TMEM74: variants seen among roughly 807,000 people sequenced by gnomAD.
TMEM74 encodes the protein transmembrane protein 74.
In TMEM74, 13 loss-of-function variants were observed where a neutral mutation model predicts 18.1. The observed-to-expected ratio is 0.72, with a 90% CI of 0.47 to 1.14. The LOEUF (loss-of-function observed/expected upper bound fraction) is 1.14. Among genes scored for constraint, TMEM74 ranks in the 50% most tolerant of loss-of-function variants. The pLI is 0.00. For synonymous variants in TMEM74, 159 were observed against 146.6 expected, an observed-to-expected ratio of 1.08 and a Z score of -0.61; for missense variants, 372 against 375.9, an observed-to-expected ratio of 0.99 and a Z score of 0.09.
intron 1 of TMEM74, among the ~76,000 whole-genome samples, chr8:108,718,685 A>C (rs1193021761): frequency 6.6e-6 from 1 of 152,118 alleles, no homozygotes; most frequent in African/African-American, 2.4e-5. Context: ...TTGAAGCTGA[A>C]ATGTTGGTAT....
At chr8:108,751,941 T>C (rs966428172) in intron 1 of TMEM74, among the ~76,000 whole-genome samples, 1 of 152,096 alleles carries the variant, frequency 6.6e-6, no homozygotes, top group Non-Finnish European at 1.5e-5. Context: ...CCTTACCAGA[T>C]GCCATTAGGA....
chr8:108,771,254 G>A (rs1470670626), intron 1 of TMEM74, among the ~76,000 whole-genome samples: 1 of 152,056 alleles, frequency 6.6e-6, no homozygotes, highest in East Asian at 1.9e-4. Context: ...ACACTTCAAT[G>A]TCATCATCAA....
intron 1 of TMEM74, among the ~76,000 whole-genome samples, chr8:108,708,055 G>A (rs1453786071): frequency 6.6e-6 from 1 of 152,086 alleles, no homozygotes; most frequent in African/African-American, 2.4e-5. Flanking sequence ...AGTAGGTACT[G>A]TGTCTGTTCT....
intron 1 of TMEM74, among the ~76,000 whole-genome samples, chr8:108,658,749 C>T (rs1812870979): frequency 6.6e-6 from 1 of 152,178 alleles, no homozygotes; most frequent in Non-Finnish European, 1.5e-5. Flanking sequence ...TCTCTCTGAG[C>T]CTCAACTGTA....
In TMEM74 at chr8:108,783,577, CTTAA is replaced by C. The variant is rs1283692414; in HGVS notation, c.*600_*603del. Reference sequence around the variant, plus strand: ...TTTATTAGAAAGTTTATCCTAATGACTTAATTACCATTTTTGAAAACAGGAATAA... The same window carrying C: ...TTTATTAGAAAGTTTATCCTAATGACTTACCATTTTTGAAAACAGGAATAA... On this transcript the variant is annotated 3_prime_UTR_variant, in exon 2 of 2. Transcript: ENST00000297459. The C allele has an allele frequency of 1.3e-5, 2 of 152,116 alleles. No individual in the cohort carries two copies. The highest frequency in any genetic ancestry group is 6.5e-5 in the Admixed American group (1 of 15,272). The allele number at this position is 152,116 out of a possible 1,614,324, so 9.4% of individuals were successfully genotyped here. A position where few individuals can be genotyped will look rare whatever the true frequency, so the allele number is the denominator to read the frequency against.
At chr8:108,625,642 T>C (rs747532727) in intron 2 of TMEM74, among the ~76,000 whole-genome samples, 1 of 152,000 alleles carries the variant, frequency 6.6e-6, no homozygotes, top group Non-Finnish European at 1.5e-5. Context: ...TTGCAGAGTA[T>C]ACTTTATCAA....
intron 1 of TMEM74, among the ~76,000 whole-genome samples, chr8:108,711,855 G>A (rs936051047): frequency 6.6e-6 from 1 of 152,148 alleles, no homozygotes; most frequent in Non-Finnish European, 1.5e-5. Flanking sequence ...TATAAGAAAT[G>A]TGCCCAGAAT....
intron 1 of TMEM74, among the ~76,000 whole-genome samples, chr8:108,761,512 A>G (rs1006469508): frequency 6.6e-6 from 1 of 152,114 alleles, no homozygotes. Context: ...TGCAGTTTCC[A>G]TCTTATTAGA....
chr8:108,623,686 G>A (rs549840766), intron 2 of TMEM74, among the ~76,000 whole-genome samples: 35 of 151,944 alleles, frequency 2.3e-4, no homozygotes, highest in Non-Finnish European at 4.1e-4. Context: ...AATTTTCAGG[G>A]GAAAGTTGAT....
intron 1 of TMEM74, among the ~76,000 whole-genome samples, chr8:108,745,005 G>T (rs75326281): frequency 0.018 from 2,707 of 152,174 alleles, 89 homozygotes; most frequent in African/African-American, 0.061. Flanking sequence ...TTTCCTTTAT[G>T]ATAGTAACCA....
In TMEM74 at chr8:108,683,858, C is replaced by CT. The variant is rs559964980; in HGVS notation, n.120-28422dup. Among the ~76,000 whole-genome samples the CT allele has an allele frequency of 8.7e-4, 133 of 152,138 alleles. 2 individuals carry two copies. Among genetic ancestry groups the CT allele is most frequent in the African/African-American group, 3.2e-3 (132 of 41,546 alleles). ...TATAGTGAGAACATGCAATGTTTAACTTTCGTTTGCTGGTTTATTTCACTT... is the reference window on the plus strand; with the variant it reads ...TATAGTGAGAACATGCAATGTTTAACTTTTCGTTTGCTGGTTTATTTCACTT... On this transcript the variant is annotated intron_variant and non_coding_transcript_variant, in intron 1 of 3. Transcript: ENST00000518838.
intron 1 of TMEM74, among the ~76,000 whole-genome samples, chr8:108,710,475 G>A (rs1388374442): frequency 6.6e-6 from 1 of 152,214 alleles, no homozygotes; most frequent in Non-Finnish European, 1.5e-5. Context: ...TAAGCCAACT[G>A]TTATGGCCAG....
chr8:108,634,019 A>G (rs1370324717), intron 2 of TMEM74, among the ~76,000 whole-genome samples: 2 of 152,072 alleles, frequency 1.3e-5, no homozygotes, highest in African/African-American at 4.8e-5. Flanking sequence ...AGCCAAAGAG[A>G]GAAAAGCAAT....
At chr8:108,725,341 T>C (rs914720279) in intron 1 of TMEM74, among the ~76,000 whole-genome samples, 26 of 152,340 alleles carry the variant, frequency 1.7e-4, no homozygotes, top group Admixed American at 5.2e-4. Context: ...TAATAAGAGA[T>C]GCCTTGTTCA....
intron 2 of TMEM74, among the ~76,000 whole-genome samples, chr8:108,651,008 G>A (rs1812769359): frequency 1.3e-5 from 2 of 152,198 alleles, no homozygotes; most frequent in African/African-American, 2.4e-5. Flanking sequence ...ACCACACCTC[G>A]CTCACTGAGG....
intron 1 of TMEM74, among the ~76,000 whole-genome samples, chr8:108,659,351 T>C (rs148697054): frequency 6.6e-6 from 1 of 152,036 alleles, no homozygotes; most frequent in African/African-American, 2.4e-5. Flanking sequence ...GTCCAATGTC[T>C]CCTCCTAGAA....
intron 2 of TMEM74, among the ~76,000 whole-genome samples, chr8:108,644,391 T>A (rs1024310648): frequency 1.3e-5 from 2 of 152,052 alleles, no homozygotes; most frequent in Non-Finnish European, 2.9e-5. Flanking sequence ...AATGTAAGAC[T>A]TCAAACTATA....
intron 1 of TMEM74, among the ~76,000 whole-genome samples, chr8:108,733,828 C>T (rs1391195): frequency 0.35 from 53,570 of 152,002 alleles, 10,379 homozygotes; most frequent in African/African-American, 0.5. Context: ...ATTTTGTGTT[C>T]TCACTGGAAG....
At chr8:108,719,434 T>C (rs1300657697) in intron 1 of TMEM74, among the ~76,000 whole-genome samples, 1 of 152,188 alleles carries the variant, frequency 6.6e-6, no homozygotes, top group East Asian at 1.9e-4. Flanking sequence ...TTAGTATTTA[T>C]TTCAATTTTA....
Sources: gnomAD v4.1 joint callset for allele counts (sites outside exome capture counted in the v4.1 genomes callset) on GRCh38, gnomAD v4.1.1 for gene constraint, MANE v1.5 for transcripts, NCBI Gene and HGNC (gene_info 2026-07-23, HGNC 2026-07-21) for gene names.